CABIN1: variants seen among roughly 807,000 people sequenced by gnomAD.
CABIN1 encodes the protein calcineurin binding protein 1.
Under a neutral mutation model 227.7 loss-of-function variants are expected in CABIN1, and 133 were observed. The observed-to-expected ratio is 0.58, with a 90% confidence interval of 0.51 to 0.67. The LOEUF (loss-of-function observed/expected upper bound fraction) is 0.67. CABIN1 is among the 30% of genes least tolerant of loss of function. CABIN1 has a pLI of 0.00. For missense variants in CABIN1, 2,408 were observed against 2,852.5 expected, an observed-to-expected ratio of 0.84 and a Z score of 3.55; for synonymous variants, 1,086 against 1,155.1, an observed-to-expected ratio of 0.94 and a Z score of 1.21.
At chr22:24,042,817 A>ACTCT in intron 5 of CABIN1, 87 bp from the exon 6 acceptor site, 1 of 576,768 alleles carries the variant, frequency 1.7e-6, no homozygotes, top group South Asian at 2.9e-5. Flanking sequence ...GAGAGATCTG[A>ACTCT]CTGTGTGTGT....
chr22:24,048,850 G>T (rs988672913), intron 6 of CABIN1, among the ~76,000 whole-genome samples: 2 of 152,146 alleles, frequency 1.3e-5, no homozygotes, highest in Admixed American at 6.5e-5. Flanking sequence ...ATTGCCTATG[G>T]TCCTCCAAAA....
At chr22:24,139,184 C>G (rs569396888) in intron 29 of CABIN1, among the ~76,000 whole-genome samples, 96 of 152,344 alleles carry the variant, frequency 6.3e-4, no homozygotes, top group African/African-American at 2.2e-3. Flanking sequence ...TCGCCAGGCA[C>G]TGTGCCCTTC....
chr22:24,152,811 G>A (rs1264323474), intron 29 of CABIN1, among the ~76,000 whole-genome samples: 1 of 152,084 alleles, frequency 6.6e-6, no homozygotes, highest in Non-Finnish European at 1.5e-5. Context: ...TTAGCTGGGC[G>A]TGGTGGTGTG....
intron 33 of CABIN1, among the ~76,000 whole-genome samples, chr22:24,169,860 C>T (rs1380217782): frequency 5.3e-5 from 8 of 152,256 alleles, no homozygotes; most frequent in Admixed American, 2.6e-4. Flanking sequence ...TTGGCAGGAG[C>T]CAGGGCTGGG....
intron 1 of CABIN1, among the ~76,000 whole-genome samples, chr22:24,018,970 T>C (rs2035499925): frequency 6.6e-6 from 1 of 152,108 alleles, no homozygotes; most frequent in South Asian, 2.1e-4. Flanking sequence ...TGCACAGTTT[T>C]AATTAACTTT....
At chr22:24,167,396 C>T (rs2046515686) in intron 32 of CABIN1, 83 bp downstream of exon 32, 4 of 1,363,092 alleles carry the variant, frequency 2.9e-6, no homozygotes, top group Admixed American at 4.0e-5. Context: ...GGAGGGTCTC[C>T]CAGGCCTGCC....
At chr22:24,062,346 A>ATTTTTTT (rs35757164) in intron 13 of CABIN1, among the ~76,000 whole-genome samples, 1 of 96,540 alleles carries the variant, frequency 1.0e-5, no homozygotes, top group African/African-American at 4.7e-5. Context: ...GGTGATACGG[A>ATTTTTTT]TTTTTTTTTT....
chr22:24,085,380 TTA>T (rs1445763433), intron 22 of CABIN1, among the ~76,000 whole-genome samples: 1 of 151,830 alleles, frequency 6.6e-6, no homozygotes, highest in African/African-American at 2.4e-5. Context: ...TCTGGGAGGG[TTA>T]TTGGTAAAGG....
intron 22 of CABIN1, among the ~76,000 whole-genome samples, chr22:24,086,033 G>A (rs2147103422): frequency 6.6e-6 from 1 of 152,328 alleles, no homozygotes; most frequent in East Asian, 1.9e-4. Context: ...AAGGGACTGG[G>A]TGTGAGTGGA....
Position 24,091,757 on chromosome 22 carries a change from G to A in CABIN1, c.3700G>A (p.Gly1234Ser). 2 of 1,614,074 alleles carry A rather than the reference G, an allele frequency of 1.2e-6. No individual in the cohort carries two copies. Among genetic ancestry groups the A allele is most frequent in the Non-Finnish European group, 1.7e-6 (2 of 1,180,014 alleles). Residue 1234 changes from glycine to serine, a missense_variant, in exon 24 of 37, where the codon GGC becomes AGC. This residue lies in a region of CABIN1 where 649 missense variants were observed against 910.3 expected (regional missense o/e 0.71). Coordinates refer to ENST00000263119, the MANE Select transcript of CABIN1 (RefSeq NM_012295.4). ...TTACTTGCTGCACTACAGGCAGGCT[G>A]GCCACTACCTGCACGAGGAGGCTGC... ...TVYLLHYRQA[G>S]HYLHEEAARY...
chr22:24,031,749 C>CA (rs2036514337), intron 1 of CABIN1, among the ~76,000 whole-genome samples: 3 of 152,158 alleles, frequency 2.0e-5, no homozygotes, highest in Non-Finnish European at 2.9e-5. Context: ...CTTCTAATCT[C>CA]CAGTGGGCTC....
intron 27 of CABIN1, among the ~76,000 whole-genome samples, chr22:24,115,091 A>G (rs990865620): frequency 6.6e-6 from 1 of 152,258 alleles, no homozygotes; most frequent in Non-Finnish European, 1.5e-5. Flanking sequence ...CACTCTTAAC[A>G]CTATAATACA....
At chr22:24,153,352 A>G (rs1318358235) in intron 29 of CABIN1, among the ~76,000 whole-genome samples, 1 of 152,124 alleles carries the variant, frequency 6.6e-6, no homozygotes, top group Non-Finnish European at 1.5e-5. Flanking sequence ...TCTCTGGGGC[A>G]GTGGTCAGAG....
intron 1 of CABIN1, among the ~76,000 whole-genome samples, chr22:24,018,519 T>C (rs1413842970): frequency 6.6e-6 from 1 of 152,248 alleles, no homozygotes; most frequent in African/African-American, 2.4e-5. Flanking sequence ...CAACAGTGAA[T>C]ACTGTTCCAG....
intron 6 of CABIN1, among the ~76,000 whole-genome samples, chr22:24,044,307 C>G (rs1251574739): frequency 6.6e-6 from 1 of 151,770 alleles, no homozygotes; most frequent in Non-Finnish European, 1.5e-5. Flanking sequence ...ATATTCTTGA[C>G]TTTCTTTCAT....
chr22:24,059,086 G>C, intron 10 of CABIN1, 141 bp from the exon 11 acceptor site: 1 of 971,232 alleles, frequency 1.0e-6, no homozygotes, highest in Non-Finnish European at 1.6e-6. Context: ...GCCTCCTGGA[G>C]GCCTGGGTTC....
intron 19 of CABIN1, among the ~76,000 whole-genome samples, chr22:24,081,979 A>G (rs564413144): frequency 6.6e-6 from 1 of 152,106 alleles, no homozygotes; most frequent in South Asian, 2.1e-4. Flanking sequence ...GTGAGCCGAG[A>G]TTGTTCCACT....
intron 29 of CABIN1, among the ~76,000 whole-genome samples, chr22:24,152,765 C>T (rs2045558169): frequency 6.6e-6 from 1 of 152,098 alleles, no homozygotes; most frequent in African/African-American, 2.4e-5. Context: ...GCCTGGCTAA[C>T]ATGGTGAGAC....
At chr22:24,066,133 G>A (rs1399570737) in intron 15 of CABIN1, among the ~76,000 whole-genome samples, 2 of 152,344 alleles carry the variant, frequency 1.3e-5, no homozygotes, top group Non-Finnish European at 2.9e-5. Context: ...GGGTTGACCT[G>A]TTTCTGAGGA....
Sources: allele counts gnomAD v4.1 joint callset (sites outside exome capture counted in the v4.1 genomes callset), GRCh38; gene constraint gnomAD v4.1.1; regional missense constraint gnomAD v4.1.1; transcripts MANE v1.5; gene names NCBI Gene and HGNC (gene_info 2026-07-23, HGNC 2026-07-21).